Variants in RASSF5 observed in about 807,000 individuals in gnomAD.
The protein encoded by RASSF5 is Ras association domain family member 5.
Under a neutral mutation model 40.5 loss-of-function variants are expected in RASSF5, and 25 were observed. That is an observed-to-expected ratio of 0.62 (90% CI 0.45 to 0.86). RASSF5 has a LOEUF of 0.86. Ranked by LOEUF, RASSF5 falls within the 40% of genes least tolerant of loss-of-function variation. The pLI, the probability that RASSF5 is intolerant of heterozygous loss-of-function variation, is 0.00. For synonymous variants in RASSF5, 246 were observed against 252.4 expected (o/e 0.97, Z 0.24); for missense variants, 521 against 572.8 (o/e 0.91, Z 0.92).
Position 206,587,156 on chromosome 1 carries a change from T to G in RASSF5, c.*178T>G. On this transcript the variant is annotated 3_prime_UTR_variant, in exon 6 of 6. Coordinates refer to ENST00000579436, the MANE Select transcript of RASSF5 (RefSeq NM_182663.4). ...AAGTGTTTGCACGAGGGTTCAGCTG[T>G]GCCCGCCCCCAGGCTGTGCCCCACC... 1.4e-6 allele frequency: 1 copy of G among 701,166 alleles called. No individual in the cohort carries two copies. Among genetic ancestry groups the G allele is most frequent in the Non-Finnish European group, 2.4e-6 (1 of 414,846 alleles). The allele number at this position is 701,166 out of a possible 1,614,324, so 43.4% of individuals were successfully genotyped here.
intron 1 of RASSF5, among the ~76,000 whole-genome samples, chr1:206,522,900 T>A (rs1666943675): frequency 6.6e-6 from 1 of 152,180 alleles, no homozygotes; most frequent in Admixed American, 6.5e-5. Context: ...GTTTAGCTAT[T>A]GTAAGATGAC....
At chr1:206,512,448 C>G (rs908175817) in intron 1 of RASSF5, among the ~76,000 whole-genome samples, 1 of 152,168 alleles carries the variant, frequency 6.6e-6, no homozygotes, top group African/African-American at 2.4e-5. Context: ...ATCCCAGGTA[C>G]AGTCAAAAAT....
rs1553400565 is a variant in RASSF5 at position 206,548,386 on chromosome 1, C to G, written c.579+10093C>G. 2.0e-5 allele frequency among the ~76,000 whole-genome samples: 3 copies of G among 152,130 alleles called. No individual in the cohort carries two copies. In the East Asian group the frequency reaches 5.8e-4, roughly 29 times the overall value. ...CATGTCACATGGTGAGAGAGGGAGC[C>G]AGAGAGAGAGGAGGAGGCGCCAAGC... On this transcript the variant is annotated intron_variant, in intron 2 of 5. Coordinates refer to ENST00000579436, the MANE Select transcript of RASSF5 (RefSeq NM_182663.4).
At chr1:206,557,413 G>C in intron 2 of RASSF5, 1 of 1,376,178 alleles carries the variant, frequency 7.3e-7, no homozygotes, top group Non-Finnish European at 9.4e-7. Flanking sequence ...GCGGCCCGCC[G>C]GCTCTGCCTG....
chr1:206,557,176 C>A (rs1207174719), intron 2 of RASSF5: 7 of 1,020,892 alleles, frequency 6.9e-6, no homozygotes, highest in Admixed American at 1.2e-4. Flanking sequence ...AACTGCTTTA[C>A]GCGAGGGGCA....
intron 1 of RASSF5, among the ~76,000 whole-genome samples, chr1:206,521,168 G>C (rs950243861): frequency 3.4e-4 from 52 of 152,170 alleles, no homozygotes; most frequent in African/African-American, 1.2e-3. Flanking sequence ...ATTTTAAAAG[G>C]CTGCTAGGGG....
At position 206,531,582 on chromosome 1, in the gene RASSF5, C is replaced by T. The variant is rs531509388; in HGVS notation, c.458-6590C>T. ...CCTCTCTGGGTGTTCTTGGAGCTGC[C>T]ATAGCTGGTCCAGCCCAGAGGCTCC... On this transcript the variant is annotated intron_variant, in intron 1 of 5. Transcript: ENST00000579436. This position sits in a 1 kb window ranked among gnomAD's most constrained non-coding sequence, Gnocchi z 4.7. 6.6e-6 allele frequency among the ~76,000 whole-genome samples: 1 copy of T among 152,306 alleles called. No homozygotes were observed. The highest frequency in any genetic ancestry group is 1.5e-5 in the Non-Finnish European group (1 of 68,014).
intron 1 of RASSF5, among the ~76,000 whole-genome samples, chr1:206,523,236 G>A (rs1282900488): frequency 6.7e-6 from 1 of 149,692 alleles, no homozygotes; most frequent in African/African-American, 2.5e-5. Context: ...ACCGGGAGGT[G>A]GAGGTTGTGG....
chr1:206,522,254 C>G (rs1666925868), intron 1 of RASSF5, among the ~76,000 whole-genome samples: 1 of 152,046 alleles, frequency 6.6e-6, no homozygotes, highest in Non-Finnish European at 1.5e-5. Context: ...CACACATGCA[C>G]AAATGAACAA....
intron 2 of RASSF5, among the ~76,000 whole-genome samples, chr1:206,555,850 G>A (rs1553401695): frequency 1.3e-5 from 2 of 152,190 alleles, no homozygotes; most frequent in South Asian, 2.1e-4. Flanking sequence ...GAGCACTGAC[G>A]GATTTGGCTT....
At chr1:206,569,074 C>T (rs7555349) in intron 2 of RASSF5, among the ~76,000 whole-genome samples, 77,315 of 152,150 alleles carry the variant, frequency 0.51, 19,840 homozygotes, top group Middle Eastern at 0.64. Flanking sequence ...ACCTGAACCT[C>T]CTGTAGGGGC....
intron 2 of RASSF5, among the ~76,000 whole-genome samples, chr1:206,550,011 C>T (rs1257447591): frequency 2.0e-5 from 3 of 152,190 alleles, no homozygotes; most frequent in African/African-American, 7.2e-5. Context: ...GTTACTCTGT[C>T]CTGTGAACTC....
chr1:206,530,204 G>A (rs1489924069), intron 1 of RASSF5, among the ~76,000 whole-genome samples: 1 of 152,136 alleles, frequency 6.6e-6, no homozygotes, highest in Non-Finnish European at 1.5e-5. Context: ...AAGCAAACAT[G>A]TGACCTGCCT....
intron 2 of RASSF5, among the ~76,000 whole-genome samples, chr1:206,565,495 A>G (rs1393815443): frequency 3.3e-5 from 5 of 152,220 alleles, no homozygotes; most frequent in Non-Finnish European, 7.3e-5. Context: ...TAACTTTCCT[A>G]TAGCACTGAG....
At chr1:206,527,952 C>T (rs1014251217) in intron 1 of RASSF5, among the ~76,000 whole-genome samples, 7 of 152,208 alleles carry the variant, frequency 4.6e-5, no homozygotes, top group African/African-American at 1.7e-4. Context: ...GGTCATTTAT[C>T]TCTTCAAGTC....
chr1:206,570,793 T>G (rs1553404092), intron 2 of RASSF5, among the ~76,000 whole-genome samples: 1 of 152,226 alleles, frequency 6.6e-6, no homozygotes, highest in Non-Finnish European at 1.5e-5. Context: ...TTTTGTTTAT[T>G]CATCCATCAG....
chr1:206,588,663 G>T lies in RASSF5; in HGVS notation c.*1685G>T, dbSNP rs1553408261. ...CCAGAAGGAATGCTGACCCCTCGTC[G>T]TATGAACTGTGCATAGTCTCCAGAG... On this transcript the variant is annotated 3_prime_UTR_variant, in exon 6 of 6. Coordinates refer to ENST00000579436, the MANE Select transcript of RASSF5 (RefSeq NM_182663.4). The T allele has an allele frequency of 6.6e-6, 1 of 152,388 alleles. No homozygotes were observed. Among genetic ancestry groups the T allele is most frequent in the East Asian group, 1.9e-4 (1 of 5,322 alleles). The allele number at this position is 152,388 out of a possible 1,614,324, so 9.4% of individuals were successfully genotyped here. A position where few individuals can be genotyped will look rare whatever the true frequency, so the allele number is the denominator to read the frequency against.
rs1460684226 is a variant in RASSF5, at chr1:206,523,182, T to G, written c.458-14990T>G. The stretch of plus-strand genomic sequence containing the variant: ...AGCCAGGCATGGTGGCGGGCACCTG[T>G]AGTCCCAGCTACTTGGGAGGCTGAG... On this transcript the variant is annotated intron_variant, in intron 1 of 5. Coordinates refer to ENST00000579436, the MANE Select transcript of RASSF5 (RefSeq NM_182663.4). 1.5e-4 allele frequency among the ~76,000 whole-genome samples: 23 copies of G among 150,858 alleles called. No homozygotes were observed. In the Admixed American group the frequency reaches 1.5e-3, roughly 10 times the overall value.
At chr1:206,537,725 T>A (rs1210103991) in intron 1 of RASSF5, among the ~76,000 whole-genome samples, 1 of 152,130 alleles carries the variant, frequency 6.6e-6, no homozygotes, top group African/African-American at 2.4e-5. Flanking sequence ...ATTTTCAGCT[T>A]GGGGATGCAC....
Sources: allele counts gnomAD v4.1 joint callset (sites outside exome capture counted in the v4.1 genomes callset), GRCh38; gene constraint gnomAD v4.1.1; non-coding constraint Gnocchi (gnomAD v3.1); transcripts MANE v1.5; gene names NCBI Gene and HGNC (gene_info 2026-07-23, HGNC 2026-07-21).